Variants in ABTB2 observed in about 807,000 individuals in gnomAD.
The protein encoded by ABTB2 is ankyrin repeat and BTB/POZ domain-containing protein 2.
A neutral mutation model predicts 104.1 loss-of-function variants in ABTB2; 56 were observed. The observed-to-expected ratio is 0.54, with a 90% CI of 0.43 to 0.67. ABTB2 has a LOEUF of 0.67. ABTB2 is among the 30% of genes least tolerant of loss of function. The pLI is 0.00. For synonymous variants in ABTB2, 606 were observed against 608.2 expected (o/e 1.00, Z 0.05); for missense variants, 1,279 against 1,407.7 (o/e 0.91, Z 1.46).
At position 34,152,324 on chromosome 11, in the gene ABTB2, C is replaced by T. The variant is rs1231764373; in HGVS notation, c.*63G>A. 3 of 1,503,656 alleles carry T rather than the reference C, an allele frequency of 2.0e-6. No homozygotes were observed. Among genetic ancestry groups the T allele is most frequent in the East Asian group, 2.5e-5 (1 of 40,468 alleles). The allele number at this position is 1,503,656 out of a possible 1,614,324, so 93.1% of individuals were successfully genotyped here. A position where few individuals can be genotyped will look rare whatever the true frequency, so the allele number is the denominator to read the frequency against. ...GGCTCCAAGAGGGCCTACAACCATACCCCGACATGGTGGGCCCTGGCACCT... is the reference window on the plus strand; with the variant it reads ...GGCTCCAAGAGGGCCTACAACCATATCCCGACATGGTGGGCCCTGGCACCT... On this transcript the variant is annotated 3_prime_UTR_variant, in exon 17 of 17. Coordinates refer to ENST00000435224, the MANE Select transcript of ABTB2 (RefSeq NM_145804.3).
chr11:34,316,115 T>C (rs954652290), intron 1 of ABTB2, among the ~76,000 whole-genome samples: 2 of 152,226 alleles, frequency 1.3e-5, no homozygotes, highest in African/African-American at 4.8e-5. Flanking sequence ...GTTCCTCTGC[T>C]TCACTCACAC....
intron 1 of ABTB2, among the ~76,000 whole-genome samples, chr11:34,298,760 C>A (rs1854660050): frequency 6.6e-6 from 1 of 152,112 alleles, no homozygotes; most frequent in South Asian, 2.1e-4. Context: ...CAGCACCCAG[C>A]CTAAACCCAT....
chr11:34,170,021 T>C (rs1448369331), intron 5 of ABTB2, among the ~76,000 whole-genome samples: 1 of 152,236 alleles, frequency 6.6e-6, no homozygotes, highest in Non-Finnish European at 1.5e-5. Context: ...CCCCATGCTC[T>C]GTGTGGCCTT....
At chr11:34,349,474 T>C (rs1206892005) in intron 1 of ABTB2, among the ~76,000 whole-genome samples, 2 of 152,120 alleles carry the variant, frequency 1.3e-5, no homozygotes, top group Non-Finnish European at 2.9e-5. Context: ...GTAATACCCA[T>C]CTCCCTGAGA....
rs75323319 is a variant in ABTB2, at chr11:34,314,175, A to G, written c.883+42526T>C. Among the ~76,000 whole-genome samples the G allele has an allele frequency of 6.3e-3, 966 of 152,320 alleles. 12 individuals are homozygous for G. Among genetic ancestry groups the G allele is most frequent in the African/African-American group, 0.022 (901 of 41,574 alleles). On this transcript the variant is annotated intron_variant, in intron 1 of 16. Coordinates refer to ENST00000435224, the MANE Select transcript of ABTB2 (RefSeq NM_145804.3). ...TAATTCCCTGATATCCAGCACCCCAAAACCCTCGAGGGTCATGTGGAAGGC... is the reference window on the plus strand; with the variant it reads ...TAATTCCCTGATATCCAGCACCCCAGAACCCTCGAGGGTCATGTGGAAGGC...
At chr11:34,266,867 T>G (rs1854257649) in intron 1 of ABTB2, among the ~76,000 whole-genome samples, 1 of 148,704 alleles carries the variant, frequency 6.7e-6, no homozygotes, top group Non-Finnish European at 1.5e-5. Context: ...TGGGGGCCAG[T>G]GGGTGGGAGG....
intron 1 of ABTB2, among the ~76,000 whole-genome samples, chr11:34,218,019 T>C (rs60952314): frequency 0.056 from 8,584 of 152,300 alleles, 820 homozygotes; most frequent in African/African-American, 0.19. Flanking sequence ...CATTGTAACT[T>C]GCAATTTCCT....
intron 1 of ABTB2, among the ~76,000 whole-genome samples, chr11:34,254,953 C>T (rs1307081771): frequency 6.6e-6 from 1 of 152,134 alleles, no homozygotes; most frequent in Non-Finnish European, 1.5e-5. Flanking sequence ...GTGCGAGCTA[C>T]CATGCCCAGC....
intron 1 of ABTB2, among the ~76,000 whole-genome samples, chr11:34,245,014 T>C (rs2755174): frequency 0.62 from 93,563 of 151,824 alleles, 29,130 homozygotes; most frequent in African/African-American, 0.7. Context: ...TCTCAAAAAA[T>C]TTTCAAAAAA....
chr11:34,276,244 C>T (rs72914527), intron 1 of ABTB2, among the ~76,000 whole-genome samples: 12,882 of 151,796 alleles, frequency 0.085, 604 homozygotes, highest in Non-Finnish European at 0.11. Context: ...AGTTCTGATT[C>T]GATGTGACTA....
At chr11:34,204,405 T>C in intron 2 of ABTB2, 139 bp downstream of exon 2, 1 of 1,063,824 alleles carries the variant, frequency 9.4e-7, no homozygotes, top group Non-Finnish European at 1.3e-6. Context: ...AGATCTAGCT[T>C]TCAGGGAAGG....
intron 1 of ABTB2, among the ~76,000 whole-genome samples, chr11:34,301,409 T>A (rs191429623): frequency 1.2e-4 from 18 of 152,264 alleles, no homozygotes; most frequent in South Asian, 6.2e-4. Flanking sequence ...AACAAGATTT[T>A]AAAAAAATCT....
intron 2 of ABTB2, among the ~76,000 whole-genome samples, chr11:34,202,531 C>A (rs188745741): frequency 6.6e-6 from 1 of 152,150 alleles, no homozygotes; most frequent in African/African-American, 2.4e-5. Context: ...TGACACAACC[C>A]AATTTAAGCT....
chr11:34,317,901 A>G (rs1345569014), intron 1 of ABTB2, among the ~76,000 whole-genome samples: 1 of 152,012 alleles, frequency 6.6e-6, no homozygotes, highest in East Asian at 1.9e-4. Context: ...CAAATATTGA[A>G]CACTTTACCT....
Position 34,273,948 on chromosome 11 carries a change from C to T in ABTB2, c.884-69258G>A, listed in dbSNP as rs1281451428. 1.3e-3 allele frequency among the ~76,000 whole-genome samples: 193 copies of T among 151,108 alleles called. 1 individual carries two copies. Among genetic ancestry groups the T allele is most frequent in the African/African-American group, 3.6e-3 (147 of 41,162 alleles). On this transcript the variant is annotated intron_variant, in intron 1 of 16. Transcript: ENST00000435224. ...CGGGTGGATCATGAGGTCAGGAGATCGAGACCATCCTGGCTAACAAGGTGA... is the reference window on the plus strand; with the variant it reads ...CGGGTGGATCATGAGGTCAGGAGATTGAGACCATCCTGGCTAACAAGGTGA...
intron 3 of ABTB2, among the ~76,000 whole-genome samples, chr11:34,186,620 G>A (rs1187234676): frequency 3.3e-5 from 5 of 152,164 alleles, no homozygotes; most frequent in Admixed American, 3.3e-4. Context: ...TCTTTTCTGC[G>A]AGGACCGGTG....
intron 1 of ABTB2, among the ~76,000 whole-genome samples, chr11:34,346,163 A>G (rs1029181746): frequency 9.9e-5 from 15 of 152,228 alleles, no homozygotes; most frequent in Non-Finnish European, 2.1e-4. Flanking sequence ...TGCCAATGGC[A>G]ACAAACAGCA....
chr11:34,167,314 C>A lies in ABTB2; in HGVS notation c.1700G>T (p.Arg567Leu). ...AGCGAATGTCAGTGAGGTCCAGTGC[C>A]GGCTGTCGGGGTGGATGGAAGGGTG... is the stretch of plus-strand genomic sequence containing the variant. ...PRHPSIHPDS[R>L]HWTSLTFAVL... The change falls in exon 7 of 17, where the codon CGG (arginine) becomes CTG (leucine). Residue 567 changes from arginine to leucine, a missense_variant. Transcript: ENST00000435224. 1 of 1,613,322 alleles carries A rather than the reference C, an allele frequency of 6.2e-7. No individual in the cohort carries two copies. Among genetic ancestry groups the A allele is most frequent in the South Asian group, 1.1e-5 (1 of 90,920 alleles).
Position 34,159,332 on chromosome 11 carries a change from G to A in ABTB2, c.2661C>T (p.Thr887=). The change falls in exon 14 of 17, where the codon ACC becomes ACT. Residue 887 remains threonine, a synonymous_variant. Coordinates refer to ENST00000435224, the MANE Select transcript of ABTB2 (RefSeq NM_145804.3). ...GGTACTTCATGTCGCTGATCTCGAT[G>A]GTCTTGCTGCTGTCCCCATCCTGTT... The part of the protein sequence containing the change: ...KSEQDGDSSK[T]IEISDMKYHI... 2.5e-6 allele frequency: 4 copies of A among 1,613,986 alleles called. No individual in the cohort carries two copies. The highest frequency in any genetic ancestry group is 3.4e-6 in the Non-Finnish European group (4 of 1,179,936).
Sources: gnomAD v4.1 joint callset for allele counts (sites outside exome capture counted in the v4.1 genomes callset) on GRCh38, gnomAD v4.1.1 for gene constraint, MANE v1.5 for transcripts, NCBI Gene and HGNC (gene_info 2026-07-23, HGNC 2026-07-21) for gene names.